ITIH2: variants seen among roughly 807,000 people sequenced by gnomAD.
The protein encoded by ITIH2 is inter-alpha-trypsin inhibitor heavy chain 2.
ITIH2 carries 103 observed loss-of-function variants against 104.4 expected under a neutral mutation model. The ratio of observed to expected loss-of-function variants is 0.99; its 90% CI spans 0.84 to 1.16. The LOEUF is 1.16. Ranked by LOEUF, ITIH2 falls within the 50% of genes most tolerant of loss-of-function variation. ITIH2 has a pLI of 0.00. For missense variants in ITIH2, 1,108 were observed against 1,162.4 expected, an observed-to-expected ratio of 0.95 and a Z score of 0.68; for synonymous variants, 436 against 435.4, an observed-to-expected ratio of 1.00 and a Z score of -0.02.
intron 6 of ITIH2, among the ~76,000 whole-genome samples, chr10:7,719,259 C>T (rs949800951): frequency 2.6e-5 from 4 of 152,170 alleles, no homozygotes; most frequent in African/African-American, 4.8e-5. Context: ...TTTTCTGGGC[C>T]ACTCCTAGCA....
chr10:7,728,110 A>G (rs553540905), intron 11 of ITIH2, among the ~76,000 whole-genome samples: 1 of 152,306 alleles, frequency 6.6e-6, no homozygotes, highest in East Asian at 1.9e-4. Context: ...TTGCTGATGC[A>G]TTCTAGGGAA....
chr10:7,735,110 G>C lies in ITIH2; in HGVS notation c.1957+19G>C. On this transcript the variant is annotated intron_variant, in intron 15 of 20. Transcript: ENST00000358415. Reference sequence around the variant, plus strand: ...TGCTCAGGTCAGGGCTGCACCTGTGGGGACAAGTGGCCAGGCAGCTCTCTT... The same window carrying C: ...TGCTCAGGTCAGGGCTGCACCTGTGCGGACAAGTGGCCAGGCAGCTCTCTT... The C allele has an allele frequency of 5.0e-6, 8 of 1,589,504 alleles. No individual in the cohort carries two copies. The highest frequency in any genetic ancestry group is 6.8e-6 in the Non-Finnish European group (8 of 1,171,856).
intron 19 of ITIH2, among the ~76,000 whole-genome samples, chr10:7,745,827 T>C (rs1201674358): frequency 6.6e-6 from 1 of 151,246 alleles, no homozygotes; most frequent in Admixed American, 6.6e-5. Context: ...CAATCTCGGC[T>C]CACCGCAACC....
chr10:7,718,701 C>G (rs1326525763), intron 6 of ITIH2, among the ~76,000 whole-genome samples: 1 of 152,094 alleles, frequency 6.6e-6, no homozygotes, highest in African/African-American at 2.4e-5. Flanking sequence ...CGAGTAGGCC[C>G]TGGTGTCAAC....
At chr10:7,740,948 C>T (rs942209328) in intron 16 of ITIH2, among the ~76,000 whole-genome samples, 6 of 152,138 alleles carry the variant, frequency 3.9e-5, no homozygotes, top group African/African-American at 1.4e-4. Flanking sequence ...TGTGCTGACT[C>T]ATTTAAACAT....
intron 6 of ITIH2, 104 bp downstream of exon 6, chr10:7,717,892 A>T: frequency 1.7e-6 from 2 of 1,143,846 alleles, no homozygotes; most frequent in Non-Finnish European, 2.5e-6. Context: ...GTTGGATGCC[A>T]CTCAACTCTA....
Position 7,746,670 on chromosome 10 carries a change from A to G in ITIH2, c.2659A>G (p.Met887Val). ...GGACCCTGAGAAGCCAGAGGCCAGC[A>G]TGGAAGTGAAGGGGCAGAAGCTGAT... is the stretch of plus-strand genomic sequence containing the variant. The part of the protein sequence containing the change: ...GKDPEKPEAS[M>V]EVKGQKLIIT... The change falls in exon 20 of 21, where the codon ATG (methionine) becomes GTG (valine). Residue 887 changes from methionine to valine, a missense_variant. Coordinates refer to ENST00000358415, the MANE Select transcript of ITIH2 (RefSeq NM_002216.3). 6.2e-7 allele frequency: 1 copy of G among 1,613,782 alleles called. No individual in the cohort carries two copies. The highest frequency in any genetic ancestry group is 8.5e-7 in the Non-Finnish European group (1 of 1,179,700).
chr10:7,746,387 T>C (rs551785373), intron 19 of ITIH2, among the ~76,000 whole-genome samples: 25 of 151,408 alleles, frequency 1.7e-4, no homozygotes, highest in African/African-American at 4.8e-4. Flanking sequence ...ATTAAAAAAA[T>C]AAAAATAAAA....
intron 18 of ITIH2, 125 bp from the exon 19 acceptor site, chr10:7,744,666 A>C: frequency 1.3e-6 from 1 of 752,000 alleles, no homozygotes; most frequent in Non-Finnish European, 2.1e-6. Context: ...AAACTGTTGC[A>C]AGCGCTTAGA....
At chr10:7,748,402 T>C (rs1400733469) in intron 20 of ITIH2, among the ~76,000 whole-genome samples, 1 of 149,008 alleles carries the variant, frequency 6.7e-6, no homozygotes, top group Non-Finnish European at 1.5e-5. Flanking sequence ...GTGAACGAGA[T>C]CCTTAACAAA....
At chr10:7,721,035 C>A in intron 7 of ITIH2, 72 bp downstream of exon 7, 1 of 973,980 alleles carries the variant, frequency 1.0e-6, no homozygotes, top group Non-Finnish European at 1.7e-6. Flanking sequence ...TCCTTCTGTG[C>A]TCTGGAGAAG....
At position 7,743,250 on chromosome 10, in the gene ITIH2, C is replaced by G; in HGVS notation, c.2200C>G (p.Pro734Ala). The change falls in exon 17 of 21, where the codon CCA becomes GCA. Residue 734 changes from proline to alanine, a missense_variant. Pro to Ala is a conservative substitution (Grantham distance 27, BLOSUM62 -1). Coordinates refer to ENST00000358415, the MANE Select transcript of ITIH2 (RefSeq NM_002216.3). ...AAAAATCCTCAACCTGGTTTCTGAC[C>G]CAGAATCAGGTAAAATAAAAATAAA... ...PGKILNLVSD[P>A]ESGIVVNGQL... 6.5e-7 allele frequency: 1 copy of G among 1,533,128 alleles called. No homozygotes were observed. Among genetic ancestry groups the G allele is most frequent in the South Asian group, 1.2e-5 (1 of 83,256 alleles). The allele number at this position is 1,533,128 out of a possible 1,614,324, so 95.0% of individuals were successfully genotyped here.
chr10:7,734,786 T>A (rs558064390), intron 14 of ITIH2, 136 bp from the exon 15 acceptor site: 2 of 654,036 alleles, frequency 3.1e-6, no homozygotes, highest in Non-Finnish European at 2.7e-6. Flanking sequence ...GTGAGTTCTG[T>A]TTCCCAGTTA....
At chr10:7,728,053 C>A (rs1209494176) in intron 11 of ITIH2, among the ~76,000 whole-genome samples, 2 of 152,202 alleles carry the variant, frequency 1.3e-5, no homozygotes, top group Admixed American at 6.5e-5. Flanking sequence ...TCCACCTCCA[C>A]AATATGCAGA....
chr10:7,704,938 G>A (rs750099548), intron 1 of ITIH2, among the ~76,000 whole-genome samples, 170 bp from the exon 2 acceptor site: 6 of 151,394 alleles, frequency 4.0e-5, no homozygotes, highest in Non-Finnish European at 7.4e-5. Flanking sequence ...GGGGGCTAGG[G>A]GAGGGATAGC....
chr10:7,732,225 T>A (rs1835010240), intron 13 of ITIH2, 113 bp from the exon 14 acceptor site: 1 of 1,255,330 alleles, frequency 8.0e-7, no homozygotes. Context: ...CCGTAGGCTT[T>A]GCCTTCCATT....
Position 7,721,794 on chromosome 10 carries a change from T to C in ITIH2, c.867+17T>C. On this transcript the variant is annotated intron_variant, in intron 8 of 20. Transcript: ENST00000358415. Reference sequence around the variant, plus strand: ...GAACTGGAGGTGAGTGCACACCGGCTCTGGTTCTACTGCCAAGCTCGTGCC... The same window carrying C: ...GAACTGGAGGTGAGTGCACACCGGCCCTGGTTCTACTGCCAAGCTCGTGCC... 1 of 1,612,970 alleles carries C rather than the reference T, an allele frequency of 6.2e-7. No individual in the cohort carries two copies. The highest frequency in any genetic ancestry group is 8.5e-7 in the Non-Finnish European group (1 of 1,179,344).
chr10:7,746,223 A>C (rs1422278498), intron 19 of ITIH2, among the ~76,000 whole-genome samples: 1 of 151,534 alleles, frequency 6.6e-6, no homozygotes, highest in African/African-American at 2.4e-5. Flanking sequence ...TCTCTACAAA[A>C]AATTAGCCAG....
rs774442811 is a variant in ITIH2 at position 7,746,546 on chromosome 10, T to C, written c.2582-47T>C. On this transcript the variant is annotated intron_variant, in intron 19 of 20. Coordinates refer to ENST00000358415, the MANE Select transcript of ITIH2 (RefSeq NM_002216.3). ...GGAGTCAATAATGAGCCTCTTTTTA[T>C]TTAACTATGATTACATGTCAATCAA... The C allele has an allele frequency of 8.4e-6, 11 of 1,302,774 alleles. No homozygotes were observed. In the Middle Eastern group the frequency reaches 7.3e-4, roughly 87 times the overall value. The allele number at this position is 1,302,774 out of a possible 1,614,324, so 80.7% of individuals were successfully genotyped here. A position where few individuals can be genotyped will look rare whatever the true frequency, so the allele number is the denominator to read the frequency against.
Sources: allele counts gnomAD v4.1 joint callset (sites outside exome capture counted in the v4.1 genomes callset), GRCh38; gene constraint gnomAD v4.1.1; transcripts MANE v1.5; gene names NCBI Gene and HGNC (gene_info 2026-07-23, HGNC 2026-07-21).